KCNH8: variants seen among roughly 807,000 people sequenced by gnomAD.
The protein encoded by KCNH8 is voltage-gated delayed rectifier potassium channel KCNH8.
A neutral mutation model predicts 103.6 loss-of-function variants in KCNH8; 70 were observed. That is an observed-to-expected ratio of 0.68 (90% CI 0.56 to 0.82). KCNH8 has a LOEUF of 0.82. Among genes scored for constraint, KCNH8 ranks in the 40% least tolerant of loss-of-function variants. KCNH8 has a pLI of 0.00. For missense variants in KCNH8, 1,217 were observed against 1,329.9 expected, an observed-to-expected ratio of 0.92 and a Z score of 1.32; for synonymous variants, 498 against 489.4, an observed-to-expected ratio of 1.02 and a Z score of -0.23.
chr3:19,523,107 C>T (rs1441030759), intron 15 of KCNH8, among the ~76,000 whole-genome samples: 4 of 151,722 alleles, frequency 2.6e-5, no homozygotes, highest in South Asian at 2.1e-4. Context: ...GAAGACCATT[C>T]GTATCAACTT....
rs377062891 is a variant in KCNH8 at position 19,178,466 on chromosome 3, T to C, written c.76+29671T>C. On this transcript the variant is annotated intron_variant, in intron 1 of 15. Coordinates refer to ENST00000328405, the MANE Select transcript of KCNH8 (RefSeq NM_144633.3). The stretch of plus-strand genomic sequence containing the variant: ...TTCTTTTCCTCAAGATACACTACAG[T>C]AAGAGAGGGAAGACTGGCATTACTA... Among the ~76,000 whole-genome samples the C allele has an allele frequency of 1.2e-4, 18 of 152,202 alleles. No homozygotes were observed. In the East Asian group the frequency reaches 2.9e-3, roughly 24 times the overall value.
chr3:19,325,960 G>A (rs1293277965), intron 3 of KCNH8, among the ~76,000 whole-genome samples: 1 of 152,036 alleles, frequency 6.6e-6, no homozygotes, highest in Non-Finnish European at 1.5e-5. Context: ...ATGATAGAAT[G>A]GACAAAGAAA....
At chr3:19,509,226 A>T (rs2125239913) in intron 11 of KCNH8, among the ~76,000 whole-genome samples, 1 of 152,326 alleles carries the variant, frequency 6.6e-6, no homozygotes, top group South Asian at 2.1e-4. Context: ...ACACTGATGA[A>T]ACATATATTT....
At chr3:19,524,177 C>A (rs1239377777) in intron 15 of KCNH8, among the ~76,000 whole-genome samples, 1 of 151,810 alleles carries the variant, frequency 6.6e-6, no homozygotes, top group African/African-American at 2.4e-5. Flanking sequence ...TTTTCATTGA[C>A]AATTGAGTCA....
At chr3:19,505,299 T>C (rs1378825849) in intron 11 of KCNH8, among the ~76,000 whole-genome samples, 8 of 151,896 alleles carry the variant, frequency 5.3e-5, no homozygotes, top group Non-Finnish European at 1.2e-4. Context: ...TACTGAGACC[T>C]ACCAGAGGGT....
intron 15 of KCNH8, among the ~76,000 whole-genome samples, chr3:19,529,359 T>C (rs1228318612): frequency 2.0e-5 from 3 of 152,212 alleles, no homozygotes; most frequent in African/African-American, 7.2e-5. Flanking sequence ...CTTTTAATTA[T>C]ACTTTTAAGT....
At chr3:19,288,831 T>C (rs927547209) in intron 3 of KCNH8, among the ~76,000 whole-genome samples, 3 of 152,176 alleles carry the variant, frequency 2.0e-5, no homozygotes, top group Admixed American at 6.5e-5. Context: ...GTTGAACTAG[T>C]TTGCAGTCCC....
chr3:19,515,900 A>G (rs1413314137), intron 14 of KCNH8, among the ~76,000 whole-genome samples: 1 of 152,016 alleles, frequency 6.6e-6, no homozygotes, highest in Non-Finnish European at 1.5e-5. Context: ...AATGACGGAG[A>G]ACTATGTGAT....
intron 8 of KCNH8, 25 bp downstream of exon 8, chr3:19,438,386 TAAG>T (rs762359292): frequency 1.3e-6 from 2 of 1,569,356 alleles, no homozygotes; most frequent in Non-Finnish European, 1.7e-6. Flanking sequence ...TCTTTTATAC[TAAG>T]AAGAGGAACT....
At chr3:19,229,246 C>A (rs1037434279) in intron 1 of KCNH8, among the ~76,000 whole-genome samples, 12 of 152,254 alleles carry the variant, frequency 7.9e-5, no homozygotes, top group Admixed American at 3.9e-4. Context: ...CTTCTCACAG[C>A]TCCACTAGGT....
At chr3:19,478,652 T>C (rs1419934822) in intron 11 of KCNH8, among the ~76,000 whole-genome samples, 1 of 152,176 alleles carries the variant, frequency 6.6e-6, no homozygotes, top group Non-Finnish European at 1.5e-5. Flanking sequence ...CCATTCAGTT[T>C]TCACATATAT....
intron 11 of KCNH8, among the ~76,000 whole-genome samples, chr3:19,499,897 C>A (rs1395506531): frequency 6.6e-6 from 1 of 152,082 alleles, no homozygotes; most frequent in Non-Finnish European, 1.5e-5. Context: ...AGCAAAATAA[C>A]CAGCTAACAT....
chr3:19,148,857 T>C (rs2063101299), intron 1 of KCNH8, 62 bp downstream of exon 1: 12 of 1,407,580 alleles, frequency 8.5e-6, no homozygotes, highest in African/African-American at 1.4e-5. Flanking sequence ...CTCGTACACA[T>C]TACTTTTGCT....
At chr3:19,526,053 C>T (rs2069058625) in intron 15 of KCNH8, among the ~76,000 whole-genome samples, 1 of 151,874 alleles carries the variant, frequency 6.6e-6, no homozygotes, top group South Asian at 2.1e-4. Context: ...GATAAATATG[C>T]AACATAACAA....
At chr3:19,450,442 T>G in intron 9 of KCNH8, 137 bp downstream of exon 9, 1 of 694,892 alleles carries the variant, frequency 1.4e-6, no homozygotes, top group South Asian at 1.8e-5. Context: ...TATTCATGAA[T>G]CCCAATCCAT....
chr3:19,288,455 C>T (rs533041168), intron 3 of KCNH8, among the ~76,000 whole-genome samples: 1 of 151,606 alleles, frequency 6.6e-6, no homozygotes, highest in Admixed American at 6.6e-5. Flanking sequence ...TGTTCAATTC[C>T]CACCTATGAG....
intron 7 of KCNH8, among the ~76,000 whole-genome samples, chr3:19,412,859 T>C (rs762617501): frequency 2.7e-4 from 41 of 151,802 alleles, no homozygotes; most frequent in Non-Finnish European, 5.6e-4. Flanking sequence ...GCTATTATTA[T>C]AATATAAAAA....
chr3:19,259,411 A>G (rs1244002203), intron 2 of KCNH8, among the ~76,000 whole-genome samples: 1 of 151,898 alleles, frequency 6.6e-6, no homozygotes, highest in Non-Finnish European at 1.5e-5. Flanking sequence ...CAATTTTATT[A>G]TGCCAACCAG....
At chr3:19,446,929 A>G (rs1306706074) in intron 8 of KCNH8, among the ~76,000 whole-genome samples, 5 of 151,982 alleles carry the variant, frequency 3.3e-5, no homozygotes, top group Admixed American at 1.3e-4. Context: ...TTAGATGCCA[A>G]TTGTTGAGGT....
Sources: allele counts gnomAD v4.1 joint callset (sites outside exome capture counted in the v4.1 genomes callset), GRCh38; gene constraint gnomAD v4.1.1; transcripts MANE v1.5; gene names NCBI Gene and HGNC (gene_info 2026-07-23, HGNC 2026-07-21).